NNT: variants seen among roughly 807,000 people sequenced by gnomAD.
NNT encodes the protein NAD(P) transhydrogenase, mitochondrial.
NNT carries 50 observed loss-of-function variants against 104.8 expected under a neutral mutation model. The observed-to-expected ratio is 0.48, with a 90% CI of 0.38 to 0.60. The LOEUF is 0.60. NNT is among the 20% of genes least tolerant of loss of function. The pLI is 0.00. For missense variants in NNT, 1,131 were observed against 1,330.7 expected (o/e 0.85, Z 2.33); for synonymous variants, 461 against 490.4 (o/e 0.94, Z 0.79).
At chr5:43,642,483 G>A (rs1751289567) in intron 7 of NNT, among the ~76,000 whole-genome samples, 1 of 152,234 alleles carries the variant, frequency 6.6e-6, no homozygotes, top group African/African-American at 2.4e-5. Context: ...ATTTTGAGAA[G>A]TGGTGAAACT....
chr5:43,613,512 A>G (rs1401644070), intron 3 of NNT: 2 of 168,492 alleles, frequency 1.2e-5, no homozygotes, highest in East Asian at 3.4e-4. Flanking sequence ...CTAAATGTTC[A>G]GTGATCTTCT....
At chr5:43,669,756 T>A (rs1740943520) in intron 17 of NNT, among the ~76,000 whole-genome samples, 1 of 152,194 alleles carries the variant, frequency 6.6e-6, no homozygotes, top group Non-Finnish European at 1.5e-5. Context: ...TTTTGTTGTG[T>A]CTCTGTCAGG....
intron 5 of NNT, 65 bp from the exon 6 acceptor site, chr5:43,623,967 T>C: frequency 6.9e-7 from 1 of 1,447,822 alleles, no homozygotes; most frequent in Non-Finnish European, 9.7e-7. Flanking sequence ...CAATAATTGT[T>C]AGCTGATGAT....
intron 10 of NNT, among the ~76,000 whole-genome samples, chr5:43,647,103 T>C (rs1230288524): frequency 2.6e-5 from 4 of 151,550 alleles, no homozygotes; most frequent in Non-Finnish European, 5.9e-5. Flanking sequence ...AGAATTCTTG[T>C]AGAGTCATCA....
intron 17 of NNT, among the ~76,000 whole-genome samples, chr5:43,667,974 G>T (rs1171730715): frequency 6.6e-6 from 1 of 152,218 alleles, no homozygotes; most frequent in Non-Finnish European, 1.5e-5. Context: ...ACTGGTGTGA[G>T]ATGGTATCTC....
At chr5:43,692,162 G>A (rs151190437) in intron 19 of NNT, among the ~76,000 whole-genome samples, 12 of 152,080 alleles carry the variant, frequency 7.9e-5, no homozygotes, top group East Asian at 1.9e-4. Context: ...TTTCATTGAC[G>A]TAGTTATCAA....
intron 17 of NNT, among the ~76,000 whole-genome samples, chr5:43,667,617 A>C (rs989535320): frequency 7.2e-5 from 11 of 152,166 alleles, no homozygotes; most frequent in African/African-American, 2.4e-4. Flanking sequence ...TTATGGCTGC[A>C]TAGTATTCCA....
chr5:43,672,153 C>G (rs1232808731), intron 17 of NNT, among the ~76,000 whole-genome samples: 1 of 152,122 alleles, frequency 6.6e-6, no homozygotes, highest in Non-Finnish European at 1.5e-5. Flanking sequence ...TTAAGTACTT[C>G]TCTACACTGT....
intron 17 of NNT, among the ~76,000 whole-genome samples, chr5:43,669,458 A>G (rs1740921812): frequency 6.6e-6 from 1 of 152,196 alleles, no homozygotes; most frequent in Non-Finnish European, 1.5e-5. Context: ...ACGTCCCATC[A>G]ATACCTAATT....
chr5:43,607,231 C>A (rs917105237), intron 1 of NNT, among the ~76,000 whole-genome samples: 1 of 152,098 alleles, frequency 6.6e-6, no homozygotes, highest in Non-Finnish European at 1.5e-5. Flanking sequence ...ATCCAGATGG[C>A]CTGAAGCAAC....
chr5:43,676,870 A>G (rs1741441554), intron 18 of NNT, among the ~76,000 whole-genome samples: 1 of 152,152 alleles, frequency 6.6e-6, no homozygotes, highest in African/African-American at 2.4e-5. Flanking sequence ...GACTTAGAGA[A>G]TAGATGGTGT....
chr5:43,700,689 T>A (rs2112250020), intron 20 of NNT, among the ~76,000 whole-genome samples: 1 of 152,366 alleles, frequency 6.6e-6, no homozygotes, highest in Non-Finnish European at 1.5e-5. Flanking sequence ...AGTAATTTTC[T>A]CTTTCTTTTC....
Position 43,690,993 on chromosome 5 carries a change from G to C in NNT, c.2877-9126G>C, listed in dbSNP as rs1274586605. ...CTTCTGTGCAAATAAGAAATATTTGGTCATTTTCTGTGGTTTATTTGAAAA... is the reference window on the plus strand; with the variant it reads ...CTTCTGTGCAAATAAGAAATATTTGCTCATTTTCTGTGGTTTATTTGAAAA... On this transcript the variant is annotated intron_variant, in intron 19 of 21. Coordinates refer to ENST00000344920, the MANE Select transcript of NNT (RefSeq NM_182977.3). 2.0e-5 allele frequency among the ~76,000 whole-genome samples: 3 copies of C among 151,418 alleles called. No homozygotes were observed. In the East Asian group the frequency reaches 5.8e-4, roughly 29 times the overall value.
chr5:43,622,055 T>TA (rs933363448), intron 5 of NNT, among the ~76,000 whole-genome samples: 4 of 152,054 alleles, frequency 2.6e-5, no homozygotes, highest in African/African-American at 9.7e-5. Flanking sequence ...GTTTAGGATT[T>TA]AAAAAAATCA....
At chr5:43,670,472 G>C (rs1438984154) in intron 17 of NNT, among the ~76,000 whole-genome samples, 2 of 152,126 alleles carry the variant, frequency 1.3e-5, no homozygotes, top group East Asian at 1.9e-4. Flanking sequence ...AGAGATTCTG[G>C]TATGTTGTGT....
intron 5 of NNT, among the ~76,000 whole-genome samples, chr5:43,622,937 T>C (rs941662017): frequency 3.9e-5 from 6 of 151,976 alleles, no homozygotes; most frequent in Admixed American, 1.3e-4. Flanking sequence ...CTTATTTTTA[T>C]TTACTTTTTC....
chr5:43,670,048 G>C (rs1326604332), intron 17 of NNT, among the ~76,000 whole-genome samples: 2 of 152,162 alleles, frequency 1.3e-5, no homozygotes, highest in East Asian at 3.8e-4. Flanking sequence ...ATTTCTTCTA[G>C]ATTTTCTGGC....
intron 17 of NNT, among the ~76,000 whole-genome samples, chr5:43,661,320 A>T (rs1250546499): frequency 1.3e-5 from 2 of 152,144 alleles, no homozygotes. Flanking sequence ...CAGTTGATGA[A>T]TTTGAATGAC....
chr5:43,680,160 A>C lies in NNT; in HGVS notation c.2876+2354A>C, dbSNP rs546492282. Among the ~76,000 whole-genome samples, 16 of 152,192 alleles carry C rather than the reference A, an allele frequency of 1.1e-4. No individual in the cohort carries two copies. In the South Asian group the frequency reaches 2.5e-3, roughly 24 times the overall value. Reference sequence around the variant, plus strand: ...CTGTGTGAATTTTTTTTATTGAAAGAGATTTGTAGAAACTTTGTGATTTTG... The same window carrying C: ...CTGTGTGAATTTTTTTTATTGAAAGCGATTTGTAGAAACTTTGTGATTTTG... On this transcript the variant is annotated intron_variant, in intron 19 of 21. Transcript: ENST00000344920.
Sources: gnomAD v4.1 joint callset for allele counts (sites outside exome capture counted in the v4.1 genomes callset) on GRCh38, gnomAD v4.1.1 for gene constraint, MANE v1.5 for transcripts, NCBI Gene and HGNC (gene_info 2026-07-23, HGNC 2026-07-21) for gene names.